FBXL5: variants seen among roughly 807,000 people sequenced by gnomAD.
FBXL5 encodes the protein F-box/LRR-repeat protein 5.
Under a neutral mutation model 78.3 loss-of-function variants are expected in FBXL5, and 26 were observed. That is an observed-to-expected ratio of 0.33 (90% CI 0.24 to 0.46). The LOEUF is 0.46. FBXL5 is among the 20% of genes least tolerant of loss of function. FBXL5 has a pLI of 1.00. For missense variants in FBXL5, 710 were observed against 829.2 expected (o/e 0.86, Z 1.77); for synonymous variants, 295 against 282.5 (o/e 1.04, Z -0.45).
chr4:15,650,623 A>G (rs1715887346), intron 1 of FBXL5, among the ~76,000 whole-genome samples: 2 of 148,602 alleles, frequency 1.3e-5, no homozygotes, highest in South Asian at 2.1e-4. Flanking sequence ...TAGTAACATG[A>G]TATCTTCCAC....
chr4:15,681,283 G>A (rs932841570), intron 1 of FBXL5: 1 of 153,622 alleles, frequency 6.5e-6, no homozygotes, highest in Non-Finnish European at 1.5e-5. Context: ...AAATCACCTT[G>A]GAGTGTATGA....
chr4:15,644,019 C>G (rs1447620900), intron 2 of FBXL5, among the ~76,000 whole-genome samples: 1 of 152,180 alleles, frequency 6.6e-6, no homozygotes, highest in Admixed American at 6.5e-5. Context: ...ACCTTATACT[C>G]TGTTCTTGTT....
intron 9 of FBXL5, among the ~76,000 whole-genome samples, chr4:15,617,131 C>G (rs1711972246): frequency 6.6e-6 from 1 of 152,182 alleles, no homozygotes; most frequent in Non-Finnish European, 1.5e-5. Context: ...AACCAAAGGA[C>G]TATAAATCAT....
chr4:15,641,166 T>A (rs1045853686), intron 2 of FBXL5, among the ~76,000 whole-genome samples: 3 of 152,154 alleles, frequency 2.0e-5, no homozygotes, highest in African/African-American at 4.8e-5. Flanking sequence ...ATTATATACA[T>A]TTATATAATT....
In FBXL5 at chr4:15,612,417, G is replaced by A; in HGVS notation, c.1851-3C>T. On this transcript the variant is annotated splice_region_variant and splice_polypyrimidine_tract_variant and intron_variant, in intron 9 of 10. Coordinates refer to ENST00000341285, the MANE Select transcript of FBXL5 (RefSeq NM_012161.4). ...GCCCTCCTCCCAGAGTCAAAACCCT[G>A]TAAGAAAAATAATTTGACAATTAGA... 1.9e-6 allele frequency: 3 copies of A among 1,602,392 alleles called. No individual in the cohort carries two copies. The highest frequency in any genetic ancestry group is 2.2e-5 in the East Asian group (1 of 44,468).
chr4:15,610,335 T>C (rs1337043947), intron 10 of FBXL5, among the ~76,000 whole-genome samples: 1 of 152,066 alleles, frequency 6.6e-6, no homozygotes, highest in Non-Finnish European at 1.5e-5. Context: ...ATTTAACAAG[T>C]CACCCTGTAA....
Position 15,638,488 on chromosome 4 carries a change from T to C in FBXL5, c.583+20A>G. The C allele has an allele frequency of 6.5e-7, 1 of 1,532,416 alleles. No homozygotes were observed. 94.9% of individuals were successfully genotyped at this position (1,532,416 alleles called of 1,614,324 possible). On this transcript the variant is annotated intron_variant, in intron 4 of 10. Transcript: ENST00000341285. ...TGACCTTACAACTAATAAATTGTTC[T>C]TTATATATATGAATCTCACCTTTAT...
Position 15,625,775 on chromosome 4 carries a change from G to A in FBXL5, c.1327C>T (p.Gln443Ter), listed in dbSNP as rs2148577588. 1 of 1,614,140 alleles carries A rather than the reference G, an allele frequency of 6.2e-7. No individual in the cohort carries two copies. Among genetic ancestry groups the A allele is most frequent in the Non-Finnish European group, 8.5e-7 (1 of 1,180,014 alleles). Residue 443 changes from glutamine to a stop codon, truncating the protein, a stop_gained, in exon 9 of 11, where the codon CAG becomes TAG. Coordinates refer to ENST00000341285, the MANE Select transcript of FBXL5 (RefSeq NM_012161.4). LOFTEE classifies it high-confidence loss of function. ...NKDITMQSTK[Q>*]YACLHDLTNK... Reference sequence around the variant, plus strand: ...GTTAAATCGTGCAAACAGGCATACTGCTTGGTGGACTGCATGGTAATGTCT... The same window carrying A: ...GTTAAATCGTGCAAACAGGCATACTACTTGGTGGACTGCATGGTAATGTCT...
rs753215303 is a variant in FBXL5, at chr4:15,640,892, CA to C, written c.301-10del. ...AACTGTTCATATTCATTCTGGAAAC[CA>C]AAAAAAAAATACATTTTTATAAAAG... On this transcript the variant is annotated splice_polypyrimidine_tract_variant and intron_variant, in intron 2 of 10. Transcript: ENST00000341285. 0.012 allele frequency: 14,600 copies of C among 1,172,240 alleles called. No homozygotes were observed. The highest frequency in any genetic ancestry group is 0.019 in the South Asian group (1,047 of 53,906). 72.6% of individuals were successfully genotyped at this position (1,172,240 alleles called of 1,614,324 possible).
chr4:15,630,909 C>T, intron 5 of FBXL5, 118 bp from the exon 6 acceptor site: 1 of 1,252,772 alleles, frequency 8.0e-7, no homozygotes, highest in East Asian at 2.6e-5. Context: ...GAGCCCTAGG[C>T]AATAAGCAAC....
At chr4:15,631,368 C>A (rs1713641977) in intron 5 of FBXL5, among the ~76,000 whole-genome samples, 1 of 152,188 alleles carries the variant, frequency 6.6e-6, no homozygotes, top group African/African-American at 2.4e-5. Flanking sequence ...AATAGTGCCA[C>A]AATAAACGTA....
intron 1 of FBXL5, among the ~76,000 whole-genome samples, chr4:15,668,525 A>G (rs1717638848): frequency 6.6e-6 from 1 of 151,296 alleles, no homozygotes; most frequent in Non-Finnish European, 1.5e-5. Flanking sequence ...TTCTTTGTTT[A>G]TTTCAAACCA....
intron 5 of FBXL5, among the ~76,000 whole-genome samples, chr4:15,635,513 G>A (rs1355395198): frequency 3.3e-5 from 5 of 152,000 alleles, no homozygotes; most frequent in Admixed American, 6.6e-5. Flanking sequence ...CAGCACTTTG[G>A]GAGGCCAAGG....
At chr4:15,621,102 C>G (rs966146387) in intron 9 of FBXL5, among the ~76,000 whole-genome samples, 1 of 152,156 alleles carries the variant, frequency 6.6e-6, no homozygotes. Context: ...ATTCCTCTAG[C>G]GCCACTGGGT....
At chr4:15,643,464 A>C (rs1289550616) in intron 2 of FBXL5, among the ~76,000 whole-genome samples, 1 of 152,232 alleles carries the variant, frequency 6.6e-6, no homozygotes, top group Non-Finnish European at 1.5e-5. Flanking sequence ...TCATTATCCT[A>C]AACTATACCC....
At chr4:15,620,838 T>C (rs376379224) in intron 9 of FBXL5, among the ~76,000 whole-genome samples, 1 of 152,270 alleles carries the variant, frequency 6.6e-6, no homozygotes, top group South Asian at 2.1e-4. Flanking sequence ...AACAATTGCA[T>C]GAGCGATTTA....
At chr4:15,627,004 G>A (rs1713129605) in intron 7 of FBXL5, 49 bp from the exon 8 acceptor site, 4 of 1,198,354 alleles carry the variant, frequency 3.3e-6, no homozygotes, top group Admixed American at 4.0e-5. Context: ...ACTTCAGTTA[G>A]CTAAGTAACA....
At chr4:15,665,998 C>G (rs556062942) in intron 1 of FBXL5, among the ~76,000 whole-genome samples, 1 of 150,598 alleles carries the variant, frequency 6.6e-6, no homozygotes, top group South Asian at 2.1e-4. Context: ...AGAATTGCCT[C>G]AATTTCCTAC....
chr4:15,665,049 G>A (rs1220776374), intron 1 of FBXL5, among the ~76,000 whole-genome samples: 4 of 152,036 alleles, frequency 2.6e-5, no homozygotes, highest in Admixed American at 6.6e-5. Flanking sequence ...TTTTTCATGT[G>A]CTCAGTCATA....
Sources: allele counts gnomAD v4.1 joint callset (sites outside exome capture counted in the v4.1 genomes callset), GRCh38; gene constraint gnomAD v4.1.1; transcripts MANE v1.5; gene names NCBI Gene and HGNC (gene_info 2026-07-23, HGNC 2026-07-21).